The following MTF1 variants were observed in gnomAD, a reference collection of about 807,000 sequenced individuals.
The protein encoded by MTF1 is metal regulatory transcription factor 1.
Under a neutral mutation model 70.4 loss-of-function variants are expected in MTF1, and 22 were observed. The observed-to-expected ratio is 0.31, with a 90% CI of 0.22 to 0.45. The LOEUF is 0.45. Ranked by LOEUF, MTF1 falls within the 20% of genes least tolerant of loss-of-function variation. MTF1 has a pLI of 1.00. For missense variants in MTF1, 649 were observed against 922.0 expected, an observed-to-expected ratio of 0.70 and a Z score of 3.83; for synonymous variants, 333 against 352.8, an observed-to-expected ratio of 0.94 and a Z score of 0.63.
chr1:37,837,424 G>C (rs1180028182), intron 4 of MTF1, among the ~76,000 whole-genome samples: 1 of 151,992 alleles, frequency 6.6e-6, no homozygotes, highest in Non-Finnish European at 1.5e-5. Context: ...CTAACAAAAC[G>C]AGTGGTTTAA....
In MTF1 at chr1:37,822,742, T is replaced by C. The variant is rs1349415782; in HGVS notation, c.1172-26A>G. The C allele has an allele frequency of 2.6e-6, 4 of 1,523,828 alleles. No homozygotes were observed. In the South Asian group the frequency reaches 4.6e-5, roughly 17 times the overall value. The allele number at this position is 1,523,828 out of a possible 1,614,324, so 94.4% of individuals were successfully genotyped here. A position where few individuals can be genotyped will look rare whatever the true frequency, so the allele number is the denominator to read the frequency against. ...CTGGCAAGAAAAAGAAATAGAAATA[T>C]ATATACATATCCCAAGCCTTAGATG... On this transcript the variant is annotated intron_variant, in intron 8 of 10. Transcript: ENST00000373036.
At position 37,839,913 on chromosome 1, in the gene MTF1, G is replaced by C. The variant is rs767077344; in HGVS notation, c.647+7C>G. 1.2e-6 allele frequency: 2 copies of C among 1,609,300 alleles called. No homozygotes were observed. The highest frequency in any genetic ancestry group is 2.7e-5 in the African/African-American group (2 of 74,836). The stretch of plus-strand genomic sequence containing the variant: ...GAGGCTGGCAGAGCATTGGAGACGA[G>C]ACTGACCTGTACAGTGTGTTGAATG... On this transcript the variant is annotated splice_region_variant and intron_variant, in intron 3 of 10. Transcript: ENST00000373036.
chr1:37,850,990 A>G (rs1312160108), intron 2 of MTF1, among the ~76,000 whole-genome samples: 1 of 152,204 alleles, frequency 6.6e-6, no homozygotes, highest in Non-Finnish European at 1.5e-5. Context: ...AGTAAGGAAG[A>G]GCTAAAGGAT....
At chr1:37,816,670 A>G (rs1640822922) in intron 10 of MTF1, among the ~76,000 whole-genome samples, 1 of 129,652 alleles carries the variant, frequency 7.7e-6, no homozygotes, top group Non-Finnish European at 1.7e-5. Flanking sequence ...ACGTGACTCC[A>G]TCTCAAAAAA....
At chr1:37,836,939 A>AC (rs1233710293) in intron 4 of MTF1, among the ~76,000 whole-genome samples, 1 of 124,310 alleles carries the variant, frequency 8.0e-6, no homozygotes, top group African/African-American at 3.0e-5. Flanking sequence ...GCCTACGGGA[A>AC]GGGGGGCGGC....
chr1:37,829,253 A>T (rs1009610425), intron 7 of MTF1, among the ~76,000 whole-genome samples: 1 of 151,908 alleles, frequency 6.6e-6, no homozygotes, highest in Non-Finnish European at 1.5e-5. Context: ...AACACCAGCT[A>T]ATATTTTATT....
chr1:37,813,221 G>A lies in MTF1; in HGVS notation c.*1915C>T, dbSNP rs888301651. 6.6e-6 allele frequency: 1 copy of A among 152,110 alleles called. No individual in the cohort carries two copies. Among genetic ancestry groups the A allele is most frequent in the African/African-American group, 2.4e-5 (1 of 41,364 alleles). The allele number at this position is 152,110 out of a possible 1,614,324, so 9.4% of individuals were successfully genotyped here. On this transcript the variant is annotated 3_prime_UTR_variant, in exon 11 of 11. Transcript: ENST00000373036. ...GAACCTGGGAAGTGGAGGTTGCGGT[G>A]AGCCAAGATTGCGCCACTGCACTCC...
rs1314070041 is a variant in MTF1 at position 37,810,395 on chromosome 1, C to T, written c.*4741G>A. The T allele has an allele frequency of 2.6e-5, 4 of 152,246 alleles. No homozygotes were observed. The highest frequency in any genetic ancestry group is 5.9e-5 in the Non-Finnish European group (4 of 68,020). The allele number at this position is 152,246 out of a possible 1,614,324, so 9.4% of individuals were successfully genotyped here. A position where few individuals can be genotyped will look rare whatever the true frequency, so the allele number is the denominator to read the frequency against. On this transcript the variant is annotated 3_prime_UTR_variant, in exon 11 of 11. Coordinates refer to ENST00000373036, the MANE Select transcript of MTF1 (RefSeq NM_005955.3). The stretch of plus-strand genomic sequence containing the variant: ...TTAAACCTCAATTCCAGTAAAAAAG[C>T]TTGTACTATGTACACATTGACATAA...
rs1470585782 is a variant in MTF1, at chr1:37,812,469, CA to C, written c.*2666del. ...CTCTCTTGTAATCTAGAGTCACCCT[CA>C]AAAGGCAGATACTTCAGCTTCTTCA... On this transcript the variant is annotated 3_prime_UTR_variant, in exon 11 of 11. Coordinates refer to ENST00000373036, the MANE Select transcript of MTF1 (RefSeq NM_005955.3). 6.6e-6 allele frequency: 1 copy of C among 152,232 alleles called. No individual in the cohort carries two copies. Among genetic ancestry groups the C allele is most frequent in the Non-Finnish European group, 1.5e-5 (1 of 68,050 alleles). 9.4% of individuals were successfully genotyped at this position (152,232 alleles called of 1,614,324 possible).
chr1:37,844,434 G>A (rs1641303753), intron 2 of MTF1, among the ~76,000 whole-genome samples: 1 of 152,034 alleles, frequency 6.6e-6, no homozygotes, highest in African/African-American at 2.4e-5. Flanking sequence ...TTCTCTAAAT[G>A]CCAGTAATAC....
At chr1:37,822,845 C>G in intron 8 of MTF1, 129 bp from the exon 9 acceptor site, 1 of 637,758 alleles carries the variant, frequency 1.6e-6, no homozygotes, top group Non-Finnish European at 2.7e-6. Context: ...AGCTAGCAGG[C>G]CAGCTTTCTG....
intron 6 of MTF1, 146 bp downstream of exon 6, chr1:37,834,933 C>T: frequency 1.2e-6 from 1 of 812,822 alleles, no homozygotes; most frequent in Non-Finnish European, 2.0e-6. Flanking sequence ...TGGTTAAATA[C>T]ACAAGTCAAG....
At chr1:37,847,747 G>C (rs956222906) in intron 2 of MTF1, among the ~76,000 whole-genome samples, 5 of 152,182 alleles carry the variant, frequency 3.3e-5, no homozygotes, top group South Asian at 2.1e-4. Context: ...TGCTCACCTA[G>C]CACTTTGGGA....
In MTF1 at chr1:37,857,330, C is replaced by A; in HGVS notation, c.329G>T (p.Gly110Val). The change falls in exon 2 of 11, where the codon GGT (glycine) becomes GTT (valine). Residue 110 changes from glycine (G) to valine (V), a missense_variant. Physicochemically the swap from Gly to Val is moderately radical, Grantham distance 109. Coordinates refer to ENST00000373036, the MANE Select transcript of MTF1 (RefSeq NM_005955.3). ...PDQIHLTINP[G>V]STPMPRNIEG... ...AATATTTCTTGGCATGGGTGTGGAA[C>A]CAGGGTTTATTGTCAAATGAATCTG... 1 of 1,614,182 alleles carries A rather than the reference C, an allele frequency of 6.2e-7. No homozygotes were observed. The highest frequency in any genetic ancestry group is 8.5e-7 in the Non-Finnish European group (1 of 1,180,028).
chr1:37,835,560 C>T, intron 5 of MTF1, 111 bp downstream of exon 5: 4 of 807,314 alleles, frequency 5.0e-6, no homozygotes, highest in Non-Finnish European at 8.2e-6. Context: ...TAATTATGCT[C>T]ACCTGAATAT....
chr1:37,818,053 GGT>G (rs747581168), intron 9 of MTF1, among the ~76,000 whole-genome samples: 1 of 152,132 alleles, frequency 6.6e-6, no homozygotes, highest in Non-Finnish European at 1.5e-5. Context: ...ATTAGTTGTT[GGT>G]GTTGGGCATG....
In MTF1 at chr1:37,823,712, G is replaced by T. The variant is rs1045576259; in HGVS notation, c.1169C>A (p.Thr390Lys). Reference sequence around the variant, plus strand: ...TAGAAAGAGTCCGTGTGACAAACCTGTCTGTTGAGGATCTTCCTGAATTGC... The same window carrying T: ...TAGAAAGAGTCCGTGTGACAAACCTTTCTGTTGAGGATCTTCCTGAATTGC... Reference protein sequence around the residue: ...DTAIQEDPQQTASLTESFNGD... With the variant: ...DTAIQEDPQQKASLTESFNGD... The change falls in exon 8 of 11, where the codon ACA becomes AAA. Residue 390 changes from threonine to lysine, a missense_variant and splice_region_variant. Thr to Lys is a moderately conservative substitution (Grantham distance 78, BLOSUM62 -1). Around this residue, in one of 7 missense-constraint regions of MTF1, gnomAD observed 267 missense variants for 292.1 expected, o/e 0.91. Coordinates refer to ENST00000373036, the MANE Select transcript of MTF1 (RefSeq NM_005955.3). 1.6e-5 allele frequency: 26 copies of T among 1,610,530 alleles called. No individual in the cohort carries two copies. The highest frequency in any genetic ancestry group is 2.1e-5 in the Non-Finnish European group (25 of 1,176,772).
chr1:37,833,195 T>A (rs911344296), intron 6 of MTF1, among the ~76,000 whole-genome samples: 3 of 152,302 alleles, frequency 2.0e-5, no homozygotes, highest in African/African-American at 7.2e-5. Context: ...TATATCCCCA[T>A]TTTTTATTCT....
intron 9 of MTF1, among the ~76,000 whole-genome samples, chr1:37,820,423 C>A (rs1432972472): frequency 6.6e-6 from 1 of 152,242 alleles, no homozygotes; most frequent in South Asian, 2.1e-4. Context: ...ATGCTTAAAT[C>A]CCAGCTTTGC....
Sources: gnomAD v4.1 joint callset for allele counts (sites outside exome capture counted in the v4.1 genomes callset) on GRCh38, gnomAD v4.1.1 for gene constraint, gnomAD v4.1.1 regional missense constraint, MANE v1.5 for transcripts, NCBI Gene and HGNC (gene_info 2026-07-23, HGNC 2026-07-21) for gene names.